The following ASB2 variants were observed in gnomAD, a reference collection of about 807,000 sequenced individuals.
The protein encoded by ASB2 is ankyrin repeat and SOCS box protein 2.
Under a neutral mutation model 62.4 loss-of-function variants are expected in ASB2, and 58 were observed. That is an observed-to-expected ratio of 0.93 (90% CI 0.75 to 1.16). The LOEUF is 1.16. ASB2 is among the 50% of genes most tolerant of loss of function. The pLI, the probability that ASB2 is intolerant of heterozygous loss-of-function variation, is 0.00. For missense variants in ASB2, 928 were observed against 887.9 expected, an observed-to-expected ratio of 1.05 and a Z score of -0.57; for synonymous variants, 386 against 385.3, an observed-to-expected ratio of 1.00 and a Z score of -0.02.
chr14:93,955,938 G>A (rs1318835991), intron 3 of ASB2, among the ~76,000 whole-genome samples: 2 of 152,158 alleles, frequency 1.3e-5, no homozygotes, highest in African/African-American at 2.4e-5. Flanking sequence ...CCAGCTCTGG[G>A]TCTCCCTTTT....
chr14:93,942,209 G>T, intron 7 of ASB2: 1 of 456,056 alleles, frequency 2.2e-6, no homozygotes. Context: ...GGCACGTTTT[G>T]GATTCTCAGA....
intron 9 of ASB2, among the ~76,000 whole-genome samples, chr14:93,936,328 C>T (rs148499315): frequency 6.6e-6 from 1 of 152,328 alleles, no homozygotes; most frequent in East Asian, 1.9e-4. Context: ...GTACTCCACA[C>T]TAAGGTCTCT....
chr14:93,956,210 T>G (rs1266686178), intron 3 of ASB2, among the ~76,000 whole-genome samples: 1 of 152,174 alleles, frequency 6.6e-6, no homozygotes, highest in African/African-American at 2.4e-5. Context: ...TGCCCCCTGG[T>G]GCCAGGCAAA....
chr14:93,957,463 C>G (rs1010745986), intron 2 of ASB2: 6 of 904,204 alleles, frequency 6.6e-6, no homozygotes, highest in Non-Finnish European at 7.9e-6. Context: ...GGCGTCGGAA[C>G]CAGGGCTGCA....
At chr14:93,975,545 G>A (rs1207395761) in intron 1 of ASB2, among the ~76,000 whole-genome samples, 4 of 152,204 alleles carry the variant, frequency 2.6e-5, no homozygotes, top group African/African-American at 9.7e-5. Context: ...CAATGCATGT[G>A]GCTATGTGCA....
In ASB2 at chr14:93,947,279, C is replaced by T. The variant is rs1267393782; in HGVS notation, c.1052+70G>A. 10 of 1,545,554 alleles carry T rather than the reference C, an allele frequency of 6.5e-6. No individual in the cohort carries two copies. The African/African-American group carries it at 9.5e-5, about 15-fold the overall frequency. On this transcript the variant is annotated intron_variant, in intron 7 of 9. Coordinates refer to ENST00000555019, the MANE Select transcript of ASB2 (RefSeq NM_001202429.2). ...GGTGGGACATTCAGGGCAGGCCCAC[C>T]CCTCCAATCCCCTACTCCCAGTGTG...
Position 93,964,612 on chromosome 14 carries a change from C to T in ASB2, c.-73G>A, listed in dbSNP as rs1889527252. On this transcript the variant is annotated splice_region_variant and 5_prime_UTR_variant, in exon 2 of 10. Coordinates refer to ENST00000555019, the MANE Select transcript of ASB2 (RefSeq NM_001202429.2). ...AGGAGGGAACAGCAAATCAGAAAAC[C>T]CTGTGAGGAAACCAAAACCATCCTG... 6.9e-7 allele frequency: 1 copy of T among 1,443,190 alleles called. No homozygotes were observed. Among genetic ancestry groups the T allele is most frequent in the Non-Finnish European group, 9.4e-7 (1 of 1,063,928 alleles). 89.4% of individuals were successfully genotyped at this position (1,443,190 alleles called of 1,614,324 possible). A position where few individuals can be genotyped will look rare whatever the true frequency, so the allele number is the denominator to read the frequency against.
chr14:93,947,135 T>G (rs560139536), intron 7 of ASB2, among the ~76,000 whole-genome samples: 1 of 152,394 alleles, frequency 6.6e-6, no homozygotes, highest in East Asian at 1.9e-4. Context: ...GCTGTTATTA[T>G]TTCAGTTGCT....
Position 93,943,221 on chromosome 14 carries a change from T to A in ASB2, c.1053-3549A>T, listed in dbSNP as rs111554645. On this transcript the variant is annotated intron_variant, in intron 7 of 9. Transcript: ENST00000555019. ...AATCTGATTGGCCCGTAGTCGGCAG[T>A]GAATGAACAATGCTCTTGGTATCTT... is the stretch of plus-strand genomic sequence containing the variant. Among the ~76,000 whole-genome samples, 4 of 152,316 alleles carry A rather than the reference T, an allele frequency of 2.6e-5. 1 individual carries two copies. The highest frequency in any genetic ancestry group is 7.2e-5 in the African/African-American group (3 of 41,560).
At chr14:93,967,859 A>G (rs1031690020) in intron 1 of ASB2, among the ~76,000 whole-genome samples, 1 of 151,890 alleles carries the variant, frequency 6.6e-6, no homozygotes. Flanking sequence ...TCTACTTTCA[A>G]TTCTGCAACT....
chr14:93,953,282 A>G (rs1889039260), intron 5 of ASB2, 70 bp downstream of exon 5: 2 of 1,404,484 alleles, frequency 1.4e-6, no homozygotes, highest in Non-Finnish European at 1.9e-6. Flanking sequence ...AACGGGAGCA[A>G]CATTCCCTGT....
In ASB2 at chr14:93,934,634, T is replaced by A. The variant is rs1216330617; in HGVS notation, c.*22A>T. 6.2e-7 allele frequency: 1 copy of A among 1,612,930 alleles called. No individual in the cohort carries two copies. Among genetic ancestry groups the A allele is most frequent in the East Asian group, 2.2e-5 (1 of 44,890 alleles). On this transcript the variant is annotated 3_prime_UTR_variant, in exon 10 of 10. Transcript: ENST00000555019. ...TAGTAAGAAGAGTCTGAGGGGCTAC[T>A]CCTCTCTCCCCGTGGCCCCAGTTAC...
intron 9 of ASB2, among the ~76,000 whole-genome samples, chr14:93,935,456 C>A (rs1419382662): frequency 2.1e-5 from 3 of 142,502 alleles, no homozygotes; most frequent in Non-Finnish European, 3.1e-5. Flanking sequence ...ATTCACCAGG[C>A]GAATGCTGAG....
chr14:93,966,488 T>C (rs1334322604), intron 1 of ASB2, among the ~76,000 whole-genome samples: 1 of 152,244 alleles, frequency 6.6e-6, no homozygotes, highest in African/African-American at 2.4e-5. Flanking sequence ...CTTGGAGGAC[T>C]TGATGCTTGG....
At chr14:93,958,361 C>A (rs557334587) in intron 2 of ASB2, among the ~76,000 whole-genome samples, 1 of 152,186 alleles carries the variant, frequency 6.6e-6, no homozygotes, top group Non-Finnish European at 1.5e-5. Context: ...AGCATGACAG[C>A]GAGTGGAGCA....
intron 7 of ASB2, among the ~76,000 whole-genome samples, chr14:93,944,330 C>T (rs115010493): frequency 5.3e-5 from 8 of 152,244 alleles, no homozygotes; most frequent in African/African-American, 1.7e-4. Context: ...CAGGAAAATG[C>T]GTGTCTTGGA....
chr14:93,934,879 G>T, intron 9 of ASB2, 87 bp from the exon 10 acceptor site: 2 of 1,148,380 alleles, frequency 1.7e-6, no homozygotes, highest in Non-Finnish European at 2.6e-6. Context: ...TATGGGAGGT[G>T]CCCAGCTGAT....
Position 93,934,494 on chromosome 14 carries a change from TG to T in ASB2, c.*161del, listed in dbSNP as rs3833510. On this transcript the variant is annotated 3_prime_UTR_variant, in exon 10 of 10. Coordinates refer to ENST00000555019, the MANE Select transcript of ASB2 (RefSeq NM_001202429.2). Reference sequence around the variant, plus strand: ...CTGTTCTCTGCTCTGGCCAAAGCTCTGGGCCCTGAGACCCAGTGAGATCCTG... The same window carrying T: ...CTGTTCTCTGCTCTGGCCAAAGCTCTGGCCCTGAGACCCAGTGAGATCCTG... The T allele has an allele frequency of 0.24, 159,487 of 652,956 alleles. 22,719 individuals carry two copies. The highest frequency in any genetic ancestry group is 0.56 in the East Asian group (21,103 of 37,542). The allele number at this position is 652,956 out of a possible 1,614,324, so 40.4% of individuals were successfully genotyped here.
chr14:93,937,787 A>G lies in ASB2; in HGVS notation c.1682T>C (p.Leu561Pro), dbSNP rs774270676. The change falls in exon 9 of 10, where the codon CTG becomes CCG. Residue 561 changes from leucine (L) to proline (P), a missense_variant. Coordinates refer to ENST00000555019, the MANE Select transcript of ASB2 (RefSeq NM_001202429.2). The part of the protein sequence containing the change: ...RWAGPIIDVL[L>P]DYVGNVQLCS... ...GAGCTGCACGTTGCCCACGTAGTCCAGGAGGACATCGATGATGGGCCCCGC... is the reference window on the plus strand; with the variant it reads ...GAGCTGCACGTTGCCCACGTAGTCCGGGAGGACATCGATGATGGGCCCCGC... 5 of 1,612,330 alleles carry G rather than the reference A, an allele frequency of 3.1e-6. No individual in the cohort carries two copies. The African/African-American group carries it at 5.3e-5, about 17-fold the overall frequency.
Sources: gnomAD v4.1 joint callset for allele counts (sites outside exome capture counted in the v4.1 genomes callset) on GRCh38, gnomAD v4.1.1 for gene constraint, MANE v1.5 for transcripts, NCBI Gene and HGNC (gene_info 2026-07-23, HGNC 2026-07-21) for gene names.